Variants in ZNF805 observed in about 807,000 individuals in gnomAD.
The protein encoded by ZNF805 is CTC-444N24.8.
Under a neutral mutation model 13.6 loss-of-function variants are expected in ZNF805, and 7 were observed. The observed-to-expected ratio is 0.51, with a 90% CI of 0.29 to 0.97. The LOEUF is 0.97. Ranked by LOEUF, ZNF805 falls within the 50% of genes least tolerant of loss-of-function variation. The pLI, the probability that ZNF805 is intolerant of heterozygous loss-of-function variation, is 0.08. For missense variants in ZNF805, 604 were observed against 771.0 expected (o/e 0.78, Z 2.57); for synonymous variants, 293 against 279.8 (o/e 1.05, Z -0.47).
At chr19:57,242,104 TC>T (rs1451764417) in intron 1 of ZNF805, among the ~76,000 whole-genome samples, 1 of 152,212 alleles carries the variant, frequency 6.6e-6, no homozygotes, top group African/African-American at 2.4e-5. Flanking sequence ...AAAGTGACAT[TC>T]TATTATAAAC....
chr19:57,240,731 C>T lies in ZNF805; in HGVS notation c.-161C>T. ...CAGGTAGGAGGCCGACAGCGACCTCCGCGTCTCGGAGCGAACCGTGAGCCT... is the reference window on the plus strand; with the variant it reads ...CAGGTAGGAGGCCGACAGCGACCTCTGCGTCTCGGAGCGAACCGTGAGCCT... On this transcript the variant is annotated 5_prime_UTR_variant, in exon 1 of 4. Transcript: ENST00000414468. 9.6e-6 allele frequency: 6 copies of T among 625,716 alleles called. No homozygotes were observed. Among genetic ancestry groups the T allele is most frequent in the South Asian group, 7.5e-5 (3 of 40,214 alleles). 38.8% of individuals were successfully genotyped at this position (625,716 alleles called of 1,614,324 possible).
chr19:57,244,135 C>T (rs2087596571), intron 2 of ZNF805, 86 bp downstream of exon 2: 8 of 1,516,158 alleles, frequency 5.3e-6, no homozygotes, highest in African/African-American at 1.4e-5. Flanking sequence ...GTCAAGAAGT[C>T]CTCTCTTACT....
chr19:57,245,625 A>C (rs2087610983), intron 2 of ZNF805, among the ~76,000 whole-genome samples: 1 of 149,448 alleles, frequency 6.7e-6, no homozygotes, highest in South Asian at 2.2e-4. Flanking sequence ...TAAAAATACA[A>C]AAAATTAGCC....
chr19:57,252,819 G>T (rs538969286), intron 3 of ZNF805, among the ~76,000 whole-genome samples: 1 of 152,204 alleles, frequency 6.6e-6, no homozygotes. Context: ...TAAATATTTA[G>T]TCTGGAATTG....
In ZNF805 at chr19:57,259,024, A is replaced by G. The variant is rs1039155265; in HGVS notation, c.*4321A>G. Among the ~76,000 whole-genome samples the G allele has an allele frequency of 2.0e-5, 3 of 152,176 alleles. No individual in the cohort carries two copies. The highest frequency in any genetic ancestry group is 7.2e-5 in the African/African-American group (3 of 41,436). ...GGTTTCAGATGAGAAATCTGTTGCC[A>G]TTTGAACCATTGTTCCCTAGTTCAT... On this transcript the variant is annotated 3_prime_UTR_variant, in exon 4 of 4. Coordinates refer to ENST00000414468, the MANE Select transcript of ZNF805 (RefSeq NM_001023563.4).
chr19:57,243,393 A>T (rs577045420), intron 1 of ZNF805, among the ~76,000 whole-genome samples: 1 of 152,306 alleles, frequency 6.6e-6, no homozygotes, highest in Admixed American at 6.5e-5. Flanking sequence ...CATGTCTGTT[A>T]TTGGGAAAAT....
At chr19:57,242,616 A>C (rs899971094) in intron 1 of ZNF805, among the ~76,000 whole-genome samples, 4 of 152,204 alleles carry the variant, frequency 2.6e-5, no homozygotes, top group Non-Finnish European at 4.4e-5. Flanking sequence ...GACTCAGGGA[A>C]GGAAAAGGCT....
At position 57,261,795 on chromosome 19, in the gene ZNF805, C is replaced by G. The variant is rs914161101; in HGVS notation, c.*7092C>G. The G allele has an allele frequency of 6.0e-6, 1 of 167,024 alleles. No individual in the cohort carries two copies. Among genetic ancestry groups the G allele is most frequent in the Non-Finnish European group, 1.5e-5 (1 of 68,108 alleles). 10.3% of individuals were successfully genotyped at this position (167,024 alleles called of 1,614,324 possible). On this transcript the variant is annotated 3_prime_UTR_variant, in exon 4 of 4. Coordinates refer to ENST00000414468, the MANE Select transcript of ZNF805 (RefSeq NM_001023563.4). ...ACAGGACTCAGCATTTTGTCATACT[C>G]AATGGCTATGATTTACCACACCGAA... is the stretch of plus-strand genomic sequence containing the variant.
At position 57,243,978 on chromosome 19, in the gene ZNF805, A is replaced by G. The variant is rs768969187; in HGVS notation, c.86A>G (p.Gln29Arg). ...ACTTTCACCCAGGAGGAGTGGGGCC[A>G]GCTGGACCTAGCTCAGCGGACCCTG... ...AVTFTQEEWG[Q>R]LDLAQRTLYQ... The change falls in exon 2 of 4, where the codon CAG becomes CGG. Residue 29 changes from glutamine to arginine, a missense_variant. Gln to Arg is a conservative substitution (Grantham distance 43). Coordinates refer to ENST00000414468, the MANE Select transcript of ZNF805 (RefSeq NM_001023563.4). 4 of 1,614,144 alleles carry G rather than the reference A, an allele frequency of 2.5e-6. No individual in the cohort carries two copies. The East Asian group carries it at 8.9e-5, about 36-fold the overall frequency.
rs1176247374 is a variant in ZNF805, at chr19:57,258,839, G to T, written c.*4136G>T. On this transcript the variant is annotated 3_prime_UTR_variant, in exon 4 of 4. Coordinates refer to ENST00000414468, the MANE Select transcript of ZNF805 (RefSeq NM_001023563.4). ...TATTAACATTTTCTTTCTGTTTGGC[G>T]AACTTGTGTAACCTTTTTTCTAGGG... is the stretch of plus-strand genomic sequence containing the variant. Among the ~76,000 whole-genome samples the T allele has an allele frequency of 6.6e-6, 1 of 152,028 alleles. No homozygotes were observed. Among genetic ancestry groups the T allele is most frequent in the Non-Finnish European group, 1.5e-5 (1 of 68,014 alleles).
intron 3 of ZNF805, among the ~76,000 whole-genome samples, chr19:57,250,633 T>A (rs1163641480): frequency 1.3e-5 from 2 of 152,216 alleles, no homozygotes; most frequent in African/African-American, 4.8e-5. Flanking sequence ...TCTGGTCAGC[T>A]CTTTGTCCTG....
chr19:57,241,505 G>A (rs560839254), intron 1 of ZNF805, among the ~76,000 whole-genome samples: 34 of 152,264 alleles, frequency 2.2e-4, no homozygotes, highest in African/African-American at 8.2e-4. Flanking sequence ...AAGGATGGAT[G>A]AAGTTCCACT....
rs772453996 is a variant in ZNF805 at position 57,253,367 on chromosome 19, A to G, written c.548A>G (p.His183Arg). The G allele has an allele frequency of 6.4e-6, 10 of 1,563,284 alleles. No individual in the cohort carries two copies. The highest frequency in any genetic ancestry group is 5.4e-5 in the African/African-American group (4 of 73,542). ...CGAGTCTCCTTAGGAGATGATGTCC[A>G]TGACTGTGACTCACATGGATCAGGT... The part of the protein sequence containing the change: ...QDRVSLGDDV[H>R]DCDSHGSGKN... Residue 183 changes from histidine (H) to arginine (R), a missense_variant, in exon 4 of 4, where the codon CAT becomes CGT. Physicochemically the swap from His to Arg is conservative, Grantham distance 29. Coordinates refer to ENST00000414468, the MANE Select transcript of ZNF805 (RefSeq NM_001023563.4). This position sits in a 1 kb window ranked among gnomAD's most constrained non-coding sequence, Gnocchi z 4.4.
At chr19:57,247,978 G>A (rs1466057735) in intron 2 of ZNF805, among the ~76,000 whole-genome samples, 5 of 152,286 alleles carry the variant, frequency 3.3e-5, no homozygotes, top group African/African-American at 7.2e-5. Flanking sequence ...AGGCCTAGGC[G>A]GGTGGATCAC....
intron 3 of ZNF805, among the ~76,000 whole-genome samples, chr19:57,252,148 A>G (rs538185986): frequency 2.6e-5 from 4 of 152,284 alleles, no homozygotes; most frequent in Admixed American, 1.3e-4. Context: ...TCTTTCTCCT[A>G]AGGCTATAGT....
intron 1 of ZNF805, among the ~76,000 whole-genome samples, chr19:57,241,308 C>T (rs1245792486): frequency 6.6e-6 from 1 of 151,968 alleles, no homozygotes; most frequent in Non-Finnish European, 1.5e-5. Flanking sequence ...CAGTAGGCCC[C>T]AAATAGGACT....
In ZNF805 at chr19:57,261,376, GGT is replaced by G. The variant is rs200297211; in HGVS notation, c.*6678_*6679del. The G allele has an allele frequency of 6.0e-6, 1 of 166,988 alleles. No individual in the cohort carries two copies. Among genetic ancestry groups the G allele is most frequent in the Non-Finnish European group, 1.5e-5 (1 of 68,094 alleles). 10.3% of individuals were successfully genotyped at this position (166,988 alleles called of 1,614,324 possible). A position where few individuals can be genotyped will look rare whatever the true frequency, so the allele number is the denominator to read the frequency against. On this transcript the variant is annotated 3_prime_UTR_variant, in exon 4 of 4. Coordinates refer to ENST00000414468, the MANE Select transcript of ZNF805 (RefSeq NM_001023563.4). The stretch of plus-strand genomic sequence containing the variant: ...GGGCTAAGGCATGCATGTTGTTTTA[GGT>G]GTGTTTGAGATGCCTGAAGAACATC...
At chr19:57,251,010 G>C (rs2087648877) in intron 3 of ZNF805, among the ~76,000 whole-genome samples, 1 of 152,050 alleles carries the variant, frequency 6.6e-6, no homozygotes, top group Non-Finnish European at 1.5e-5. Context: ...CAGTGTTCAT[G>C]GTTCACAGTG....
chr19:57,250,854 G>A (rs775368505), intron 3 of ZNF805, among the ~76,000 whole-genome samples: 7 of 152,054 alleles, frequency 4.6e-5, no homozygotes, highest in Non-Finnish European at 1.0e-4. Flanking sequence ...CCTTGGCCAC[G>A]GCCAGTTTTT....
Sources: gnomAD v4.1 joint callset for allele counts (sites outside exome capture counted in the v4.1 genomes callset) on GRCh38, gnomAD v4.1.1 for gene constraint, Gnocchi (gnomAD v3.1) non-coding constraint, MANE v1.5 for transcripts, NCBI Gene and HGNC (gene_info 2026-07-23, HGNC 2026-07-21) for gene names.